NRG1: variants seen among roughly 807,000 people sequenced by gnomAD.
The protein encoded by NRG1 is pro-neuregulin-1, membrane-bound isoform.
Under a neutral mutation model 63.8 loss-of-function variants are expected in NRG1, and 18 were observed. The observed-to-expected ratio is 0.28, with a 90% confidence interval of 0.19 to 0.42. NRG1 has a LOEUF of 0.42. NRG1 is among the 10% of genes least tolerant of loss of function. The probability of loss-of-function intolerance (pLI) is 1.00; values close to 1 mark genes in which losing one functional copy is unlikely to be tolerated. For synonymous variants in NRG1, 302 were observed against 301.3 expected, an observed-to-expected ratio of 1.00 and a Z score of -0.02; for missense variants, 762 against 814.7, an observed-to-expected ratio of 0.94 and a Z score of 0.79.
intron 1 of NRG1, among the ~76,000 whole-genome samples, chr8:32,345,420 G>A (rs925794959): frequency 6.6e-5 from 10 of 152,124 alleles, no homozygotes; most frequent in Non-Finnish European, 1.2e-4. Context: ...TGTTTCAGTG[G>A]TTTCAAAGTT....
intron 1 of NRG1, among the ~76,000 whole-genome samples, chr8:32,058,788 T>A (rs540244483): frequency 1.3e-5 from 2 of 152,212 alleles, no homozygotes; most frequent in African/African-American, 4.8e-5. Flanking sequence ...GTCATTTTCT[T>A]GTTCTGATGA....
intron 1 of NRG1, among the ~76,000 whole-genome samples, chr8:32,470,690 A>G (rs1823733342): frequency 1.3e-5 from 2 of 152,020 alleles, no homozygotes; most frequent in Admixed American, 6.6e-5. Flanking sequence ...ACTGAATCCT[A>G]CCCTAATACT....
chr8:32,733,369 A>G (rs1824227248), intron 6 of NRG1, among the ~76,000 whole-genome samples: 1 of 152,228 alleles, frequency 6.6e-6, no homozygotes, highest in African/African-American at 2.4e-5. Flanking sequence ...TTATTATAAG[A>G]GACAGGTATG....
intron 1 of NRG1, among the ~76,000 whole-genome samples, chr8:32,153,574 T>A (rs2131844363): frequency 6.6e-6 from 1 of 152,294 alleles, no homozygotes; most frequent in Admixed American, 6.5e-5. Flanking sequence ...TGATAGAAAA[T>A]TAGTCTATGG....
chr8:32,409,597 AGT>A (rs1814597076), intron 1 of NRG1, among the ~76,000 whole-genome samples: 1 of 152,238 alleles, frequency 6.6e-6, no homozygotes, highest in African/African-American at 2.4e-5. Context: ...CCAGGATTCC[AGT>A]GGAAAGTGAA....
At chr8:32,172,858 A>G (rs924212175) in intron 1 of NRG1, among the ~76,000 whole-genome samples, 1 of 152,104 alleles carries the variant, frequency 6.6e-6, no homozygotes. Flanking sequence ...CCAAATCTAC[A>G]TCTGATTGGT....
intron 1 of NRG1, among the ~76,000 whole-genome samples, chr8:31,703,671 C>A (rs1189542244): frequency 1.3e-5 from 2 of 152,074 alleles, no homozygotes; most frequent in African/African-American, 4.8e-5. Flanking sequence ...TGTCTATATT[C>A]CCAGGGGAGT....
chr8:32,764,607 T>C (rs1330260750), exon 12 of NRG1: 2 of 452,588 alleles, frequency 4.4e-6, no homozygotes, highest in Non-Finnish European at 3.8e-6. Flanking sequence ...ACGAGAAAGA[T>C]ATCAATGGTG....
At chr8:32,541,680 C>T (rs1365299563) in intron 1 of NRG1, among the ~76,000 whole-genome samples, 2 of 152,070 alleles carry the variant, frequency 1.3e-5, no homozygotes, top group Non-Finnish European at 2.9e-5. Context: ...AAGATAGGAA[C>T]GTTGAAGAGG....
intron 1 of NRG1, among the ~76,000 whole-genome samples, chr8:32,059,520 G>C (rs900440127): frequency 1.3e-5 from 2 of 151,958 alleles, no homozygotes; most frequent in African/African-American, 4.8e-5. Flanking sequence ...TAAATGTTCT[G>C]TTTCTTGCAT....
chr8:32,480,711 T>C (rs1400382507), intron 1 of NRG1, among the ~76,000 whole-genome samples: 1 of 152,128 alleles, frequency 6.6e-6, no homozygotes, highest in African/African-American at 2.4e-5. Context: ...TCAGAAAGCT[T>C]CCAATCATGG....
In NRG1 at chr8:31,731,480, A is replaced by G. The variant is rs948721196; in HGVS notation, c.37+92049A>G. Among the ~76,000 whole-genome samples, 77 of 152,082 alleles carry G rather than the reference A, an allele frequency of 5.1e-4. 1 individual carries two copies. The highest frequency in any genetic ancestry group is 1.9e-3 in the African/African-American group (77 of 41,484). On this transcript the variant is annotated intron_variant, in intron 1 of 10. Coordinates refer to the NRG1 transcript ENST00000519301. ...AAACCAAAATATATGTATGATATGT[A>G]TTGTTTTACACATGGAGAGATATAA...
At chr8:32,173,804 A>T (rs903306714) in intron 1 of NRG1, among the ~76,000 whole-genome samples, 2 of 152,192 alleles carry the variant, frequency 1.3e-5, no homozygotes. Context: ...TCCTAAATAT[A>T]TATGCACCCA....
chr8:32,439,013 C>T (rs1025696776), intron 1 of NRG1, among the ~76,000 whole-genome samples: 1 of 152,000 alleles, frequency 6.6e-6, no homozygotes, highest in South Asian at 2.1e-4. Flanking sequence ...TTTTTTTCCA[C>T]AAGGCAAGAG....
At chr8:31,855,392 T>G (rs1180889403) in intron 1 of NRG1, among the ~76,000 whole-genome samples, 3 of 152,130 alleles carry the variant, frequency 2.0e-5, no homozygotes, top group African/African-American at 4.8e-5. Context: ...CTTTTGATCT[T>G]TGTTGGTTTA....
chr8:32,574,327 G>C (rs1342048976), intron 1 of NRG1, among the ~76,000 whole-genome samples: 1 of 151,946 alleles, frequency 6.6e-6, no homozygotes. Flanking sequence ...CATTTCATCA[G>C]GTCTTCAAAA....
At chr8:32,045,605 A>G (rs1249510514) in intron 1 of NRG1, among the ~76,000 whole-genome samples, 1 of 151,988 alleles carries the variant, frequency 6.6e-6, no homozygotes, top group Non-Finnish European at 1.5e-5. Flanking sequence ...GTCTGGTATC[A>G]GAGACGAGAT....
chr8:32,657,868 T>C (rs1683058840), intron 5 of NRG1, among the ~76,000 whole-genome samples: 2 of 152,146 alleles, frequency 1.3e-5, no homozygotes, highest in African/African-American at 4.8e-5. Context: ...TACTATAATC[T>C]TTAAAGCAAG....
chr8:32,432,215 T>C (rs974499631), intron 1 of NRG1, among the ~76,000 whole-genome samples: 2 of 152,102 alleles, frequency 1.3e-5, no homozygotes, highest in African/African-American at 4.8e-5. Flanking sequence ...TAGACAGTAA[T>C]AGAAAATTAG....
Sources: gnomAD v4.1 joint callset for allele counts (sites outside exome capture counted in the v4.1 genomes callset) on GRCh38, gnomAD v4.1.1 for gene constraint, MANE v1.5 for transcripts, NCBI Gene and HGNC (gene_info 2026-07-23, HGNC 2026-07-21) for gene names.